Variants in PDE6B observed in about 807,000 individuals in gnomAD.
PDE6B encodes the protein rod cGMP-specific 3',5'-cyclic phosphodiesterase subunit beta.
In PDE6B, 106 loss-of-function variants were observed where a neutral mutation model predicts 109.0. The observed-to-expected ratio is 0.97, with a 90% CI of 0.83 to 1.14. The LOEUF (loss-of-function observed/expected upper bound fraction) is 1.14, where lower values mean the gene tolerates loss of function less well. Ranked by LOEUF, PDE6B falls within the 50% of genes most tolerant of loss-of-function variation. The pLI, the probability that PDE6B is intolerant of heterozygous loss-of-function variation, is 0.00. For synonymous variants in PDE6B, 490 were observed against 471.3 expected (o/e 1.04, Z -0.51); for missense variants, 1,193 against 1,155.6 (o/e 1.03, Z -0.47).
intron 1 of PDE6B, among the ~76,000 whole-genome samples, chr4:630,466 C>A (rs1002279132): frequency 6.6e-6 from 1 of 152,000 alleles, no homozygotes; most frequent in Non-Finnish European, 1.5e-5. Flanking sequence ...GAGAGAGTGG[C>A]CGGATGTTTC....
At chr4:641,492 G>C (rs532671514) in intron 3 of PDE6B, among the ~76,000 whole-genome samples, 1 of 152,296 alleles carries the variant, frequency 6.6e-6, no homozygotes, top group Admixed American at 6.5e-5. Flanking sequence ...ATGTCCAGGG[G>C]GCTCACCAAG....
intron 10 of PDE6B, 58 bp from the exon 11 acceptor site, chr4:658,894 C>T (rs1320295816): frequency 1.7e-5 from 21 of 1,269,414 alleles, no homozygotes; most frequent in African/African-American, 4.4e-5. Context: ...GACGCACCGC[C>T]GTCACCTTGT....
In PDE6B at chr4:665,065, C is replaced by CG. The variant is rs1737634780; in HGVS notation, c.2193+125dup. 1.1e-6 allele frequency: 1 copy of CG among 896,132 alleles called. No individual in the cohort carries two copies. The highest frequency in any genetic ancestry group is 1.6e-5 in the African/African-American group (1 of 60,640). 55.5% of individuals were successfully genotyped at this position (896,132 alleles called of 1,614,324 possible). A position where few individuals can be genotyped will look rare whatever the true frequency, so the allele number is the denominator to read the frequency against. ...TTGCAAGGAGCTCTGAGGGCCACCT[C>CG]GGGGCCAGGCCAGGGCGGCAAGGAT... On this transcript the variant is annotated intron_variant, in intron 18 of 21. Transcript: ENST00000496514. The surrounding 1 kb of genome is among the most constrained non-coding windows in gnomAD (Gnocchi z 4.0).
intron 3 of PDE6B, chr4:651,670 C>T (rs566479743): frequency 1.4e-5 from 2 of 147,858 alleles, no homozygotes; most frequent in African/African-American, 5.2e-5. Context: ...TATGGGGAGC[C>T]GTCTCCATTC....
chr4:632,551 C>A (rs946851211), intron 1 of PDE6B, among the ~76,000 whole-genome samples: 3 of 146,018 alleles, frequency 2.1e-5, no homozygotes, highest in Non-Finnish European at 4.5e-5. Context: ...TGCATGGTGC[C>A]GTCTGGGGGT....
rs1737972964 is a variant in PDE6B, at chr4:667,841, C to T, written c.2353-15C>T. 1 of 1,611,758 alleles carries T rather than the reference C, an allele frequency of 6.2e-7. No homozygotes were observed. The highest frequency in any genetic ancestry group is 1.3e-5 in the African/African-American group (1 of 74,882). On this transcript the variant is annotated splice_polypyrimidine_tract_variant and intron_variant, in intron 20 of 21. Transcript: ENST00000496514. Reference sequence around the variant, plus strand: ...GGCAGGACAGGACTGGTGGTGACTTCTCGACTCCCCTCAGGAGTTCTCTCG... The same window carrying T: ...GGCAGGACAGGACTGGTGGTGACTTTTCGACTCCCCTCAGGAGTTCTCTCG...
intron 6 of PDE6B, chr4:655,295 C>G (rs1479457900): frequency 3.3e-6 from 1 of 304,746 alleles, no homozygotes; most frequent in African/African-American, 2.2e-5. Flanking sequence ...CCCCGTGGGG[C>G]TGGAAGAGGA....
At chr4:655,034 G>A (rs752956917) in intron 6 of PDE6B, 146 bp downstream of exon 6, 65 of 691,988 alleles carry the variant, frequency 9.4e-5, no homozygotes, top group Non-Finnish European at 1.6e-4. Context: ...GGTGCTCTGT[G>A]TGCCGTGGGG....
At chr4:667,765 C>G (rs1384142246) in intron 20 of PDE6B, 91 bp from the exon 21 acceptor site, 2 of 1,387,388 alleles carry the variant, frequency 1.4e-6, no homozygotes, top group African/African-American at 2.8e-5. Context: ...GCAGTTCATC[C>G]CCTACGAGGG....
rs547699459 is a variant in PDE6B at position 662,074 on chromosome 4, C to A, written c.1615-60C>A. 1.2e-6 allele frequency: 1 copy of A among 802,716 alleles called. No homozygotes were observed. Among genetic ancestry groups the A allele is most frequent in the Non-Finnish European group, 2.2e-6 (1 of 463,908 alleles). The allele number at this position is 802,716 out of a possible 1,614,324, so 49.7% of individuals were successfully genotyped here. ...TCCACTGTGAAGTCAGCCACAGGTG[C>A]CGCTCTGGCGGGACTTACACGCTTG... On this transcript the variant is annotated intron_variant, in intron 12 of 21. Coordinates refer to ENST00000496514, the MANE Select transcript of PDE6B (RefSeq NM_000283.4). The surrounding 1 kb of genome is among the most constrained non-coding windows in gnomAD (Gnocchi z 4.3).
chr4:664,877 G>A lies in PDE6B; in HGVS notation c.2130-4G>A. 4 of 1,612,646 alleles carry A rather than the reference G, an allele frequency of 2.5e-6. No individual in the cohort carries two copies. The highest frequency in any genetic ancestry group is 3.4e-6 in the Non-Finnish European group (4 of 1,179,368). On this transcript the variant is annotated splice_polypyrimidine_tract_variant and splice_region_variant and intron_variant, in intron 17 of 21. Coordinates refer to ENST00000496514, the MANE Select transcript of PDE6B (RefSeq NM_000283.4). ...CAGCACTCGTGCCCGGTTTGTGTCT[G>A]CAGGGCCATGATGATGACAGCCTGC... is the stretch of plus-strand genomic sequence containing the variant.
rs562199448 is a variant in PDE6B, at chr4:662,353, G to A, written c.1722+112G>A. ...GTCCTCCCAGGGCAGAAGGATGGAG[G>A]AGGGCAACGCCCTCTGACACCGTGC... is the stretch of plus-strand genomic sequence containing the variant. On this transcript the variant is annotated intron_variant, in intron 13 of 21. Transcript: ENST00000496514. The surrounding 1 kb of genome is among the most constrained non-coding windows in gnomAD (Gnocchi z 4.3). The A allele has an allele frequency of 1.2e-6, 1 of 824,620 alleles. No individual in the cohort carries two copies. The highest frequency in any genetic ancestry group is 2.1e-6 in the Non-Finnish European group (1 of 487,284). The allele number at this position is 824,620 out of a possible 1,614,324, so 51.1% of individuals were successfully genotyped here.
chr4:667,995 C>G lies in PDE6B; in HGVS notation c.2492C>G (p.Ala831Gly). Residue 831 changes from alanine (A) to glycine (G), a missense_variant, in exon 21 of 22, where the codon GCA becomes GGA. Transcript: ENST00000496514. ...LEEKEEEERV[A>G]AKKVGTEICN... The stretch of plus-strand genomic sequence containing the variant: ...GAGAAGGAGGAGGAGGAGAGGGTGG[C>G]AGCCAAGAAAGGTCTGGCTCTGTGT... The G allele has an allele frequency of 6.2e-7, 1 of 1,611,990 alleles. No individual in the cohort carries two copies. The highest frequency in any genetic ancestry group is 8.5e-7 in the Non-Finnish European group (1 of 1,179,462).
chr4:641,357 G>A (rs1734935564), intron 3 of PDE6B, among the ~76,000 whole-genome samples: 1 of 152,210 alleles, frequency 6.6e-6, no homozygotes, highest in African/African-American at 2.4e-5. Flanking sequence ...CAAAGCAATG[G>A]ACCTTTGTAT....
intron 11 of PDE6B, among the ~76,000 whole-genome samples, chr4:659,583 G>C (rs1736794335): frequency 6.6e-6 from 1 of 151,490 alleles, no homozygotes; most frequent in South Asian, 2.1e-4. Flanking sequence ...GTGTGTGTGT[G>C]CACATGTGGG....
chr4:630,307 C>T (rs920356347), intron 1 of PDE6B, among the ~76,000 whole-genome samples: 1 of 151,994 alleles, frequency 6.6e-6, no homozygotes, highest in East Asian at 1.9e-4. Flanking sequence ...TGCTGGGCCA[C>T]GAGGGGCAGC....
rs552124500 is a variant in PDE6B at position 657,288 on chromosome 4, C to G, written c.1258-63C>G. On this transcript the variant is annotated intron_variant, in intron 9 of 21. Coordinates refer to ENST00000496514, the MANE Select transcript of PDE6B (RefSeq NM_000283.4). ...CCGCCGAGCCACGGGGCCTGGCACA[C>G]AGGCACATGGGAGGGGGCGCGCCGG... 8.3e-5 allele frequency: 133 copies of G among 1,596,378 alleles called. No homozygotes were observed. The African/African-American group carries it at 1.6e-3, about 19-fold the overall frequency.
intron 12 of PDE6B, chr4:661,824 C>T: frequency 2.3e-6 from 1 of 432,954 alleles, no homozygotes; most frequent in Middle Eastern, 7.0e-4. Context: ...TGCTGCATCC[C>T]CAGGGGTCCT....
intron 3 of PDE6B, among the ~76,000 whole-genome samples, chr4:638,207 AT>A (rs1734786286): frequency 6.6e-6 from 1 of 152,188 alleles, no homozygotes; most frequent in African/African-American, 2.4e-5. Context: ...TCGCACGTCT[AT>A]TCATTTACAT....
Sources: gnomAD v4.1 joint callset for allele counts (sites outside exome capture counted in the v4.1 genomes callset) on GRCh38, gnomAD v4.1.1 for gene constraint, Gnocchi (gnomAD v3.1) non-coding constraint, MANE v1.5 for transcripts, NCBI Gene and HGNC (gene_info 2026-07-23, HGNC 2026-07-21) for gene names.